MALRD1: variants seen among roughly 807,000 people sequenced by gnomAD.
The protein encoded by MALRD1 is MAM and LDL receptor class A domain containing 1.
MALRD1 carries 247 observed loss-of-function variants against 242.1 expected under a neutral mutation model. The observed-to-expected ratio is 1.02, with a 90% CI of 0.92 to 1.13. The LOEUF is 1.13. Ranked by LOEUF, MALRD1 falls within the 50% of genes most tolerant of loss-of-function variation. The probability of loss-of-function intolerance (pLI) is 0.00; values close to 1 mark genes in which losing one functional copy is unlikely to be tolerated. For missense variants in MALRD1, 2,989 were observed against 2,533.1 expected, an observed-to-expected ratio of 1.18 and a Z score of -3.86; for synonymous variants, 995 against 866.6, an observed-to-expected ratio of 1.15 and a Z score of -2.60.
At chr10:19,716,866 A>G (rs1026408661) in intron 38 of MALRD1, 17 of 152,228 alleles carry the variant, frequency 1.1e-4, no homozygotes, top group African/African-American at 3.9e-4. Flanking sequence ...TTTATGCAGT[A>G]TGTCAGATGC....
At chr10:19,624,152 AT>A (rs5783687) in intron 36 of MALRD1, among the ~76,000 whole-genome samples, 8,522 of 152,202 alleles carry the variant, frequency 0.056, 696 homozygotes, top group African/African-American at 0.18. Context: ...TAACAATTCC[AT>A]TTATAGAATT....
intron 38 of MALRD1, among the ~76,000 whole-genome samples, chr10:19,711,475 A>G (rs751347677): frequency 1.3e-5 from 2 of 152,226 alleles, no homozygotes; most frequent in Non-Finnish European, 2.9e-5. Context: ...CAATACTGCA[A>G]TAAGCATATA....
chr10:19,635,129 T>G (rs1840071811), intron 36 of MALRD1, among the ~76,000 whole-genome samples: 1 of 152,050 alleles, frequency 6.6e-6, no homozygotes, highest in Admixed American at 6.6e-5. Flanking sequence ...AGCAAAAGAC[T>G]TAACTGGAGA....
At chr10:19,518,636 C>G (rs772783744) in intron 31 of MALRD1, among the ~76,000 whole-genome samples, 5 of 151,782 alleles carry the variant, frequency 3.3e-5, no homozygotes, top group African/African-American at 4.8e-5. Flanking sequence ...TTGTTACAGG[C>G]TTTGCATTTT....
chr10:19,726,256 A>G (rs141679768), intron 38 of MALRD1, among the ~76,000 whole-genome samples: 22 of 152,314 alleles, frequency 1.4e-4, no homozygotes, highest in African/African-American at 3.6e-4. Flanking sequence ...CTTAAGAACA[A>G]AAAGACAACC....
chr10:19,095,547 A>G (rs1029424749), intron 4 of MALRD1, among the ~76,000 whole-genome samples: 2 of 152,044 alleles, frequency 1.3e-5, no homozygotes, highest in African/African-American at 2.4e-5. Context: ...CTTAAGAAAG[A>G]TTAATTTGGG....
At chr10:19,455,437 C>G (rs1464966427) in intron 29 of MALRD1, among the ~76,000 whole-genome samples, 1 of 152,152 alleles carries the variant, frequency 6.6e-6, no homozygotes, top group Non-Finnish European at 1.5e-5. Flanking sequence ...AATAAGACCA[C>G]TAGGTGTTAG....
intron 26 of MALRD1, among the ~76,000 whole-genome samples, chr10:19,371,450 A>G (rs1845371255): frequency 6.6e-6 from 1 of 151,188 alleles, no homozygotes; most frequent in African/African-American, 2.4e-5. Context: ...TCACCTTTTG[A>G]ATCTATACAG....
chr10:19,404,343 A>C (rs1170528098), intron 28 of MALRD1, among the ~76,000 whole-genome samples: 1 of 152,064 alleles, frequency 6.6e-6, no homozygotes, highest in African/African-American at 2.4e-5. Context: ...TCCGTACTTA[A>C]AATTTTTTTA....
intron 36 of MALRD1, among the ~76,000 whole-genome samples, 187 bp from the exon 37 acceptor site, chr10:19,692,095 A>G (rs1172341071): frequency 1.3e-5 from 2 of 152,174 alleles, no homozygotes; most frequent in African/African-American, 4.8e-5. Context: ...TTACACAATG[A>G]TATGAAAATA....
chr10:19,551,304 T>G (rs1835459163), intron 32 of MALRD1, among the ~76,000 whole-genome samples: 1 of 152,174 alleles, frequency 6.6e-6, no homozygotes, highest in African/African-American at 2.4e-5. Context: ...TAATTTTCAT[T>G]GTAGAGATCT....
chr10:19,411,507 C>T (rs576010821), intron 28 of MALRD1, among the ~76,000 whole-genome samples: 2 of 152,226 alleles, frequency 1.3e-5, no homozygotes, highest in Admixed American at 6.5e-5. Context: ...ATTTAATGTG[C>T]ATAATAAGTG....
chr10:19,724,381 T>C (rs1834916718), intron 38 of MALRD1, among the ~76,000 whole-genome samples: 1 of 152,196 alleles, frequency 6.6e-6, no homozygotes, highest in African/African-American at 2.4e-5. Flanking sequence ...TATAAAAGTG[T>C]ATTTTAAAAA....
intron 19 of MALRD1, among the ~76,000 whole-genome samples, chr10:19,277,921 A>G (rs982544110): frequency 6.6e-6 from 1 of 152,204 alleles, no homozygotes; most frequent in Non-Finnish European, 1.5e-5. Flanking sequence ...TTAAAGAAAG[A>G]GGTTAACTAT....
chr10:19,389,592 A>G lies in MALRD1; in HGVS notation c.4828A>G (p.Ile1610Val). Reference sequence around the variant, plus strand: ...CGTATCTGCAAAGGCCACAGGATCCATTCAGATTCTCATCAAGGTAGGAAC... The same window carrying G: ...CGTATCTGCAAAGGCCACAGGATCCGTTCAGATTCTCATCAAGGTAGGAAC... ...YFVSAKATGS[I>V]QILIKTEKGL... is the part of the protein sequence containing the mutation. Residue 1610 changes from isoleucine to valine, a missense_variant, in exon 28 of 40, where the codon ATT (isoleucine) becomes GTT (valine). By Grantham distance (29) the Ile-to-Val change is conservative (BLOSUM62 3). Transcript: ENST00000454679. The G allele has an allele frequency of 6.5e-7, 1 of 1,550,254 alleles. No individual in the cohort carries two copies.
intron 10 of MALRD1, 49 bp downstream of exon 10, chr10:19,136,830 T>C: frequency 8.6e-7 from 1 of 1,162,814 alleles, no homozygotes; most frequent in Non-Finnish European, 1.1e-6. Flanking sequence ...TTCAAGACTG[T>C]TAGTTGGATT....
chr10:19,405,355 A>G (rs1438286306), intron 28 of MALRD1, among the ~76,000 whole-genome samples: 2 of 152,138 alleles, frequency 1.3e-5, no homozygotes, highest in African/African-American at 4.8e-5. Flanking sequence ...TATATCTACC[A>G]CAGAGTTGTT....
At chr10:19,175,674 C>G (rs1308191610) in intron 14 of MALRD1, among the ~76,000 whole-genome samples, 1 of 151,714 alleles carries the variant, frequency 6.6e-6, no homozygotes, top group African/African-American at 2.4e-5. Flanking sequence ...TTATTCAGAA[C>G]TTCAAATGAG....
intron 36 of MALRD1, among the ~76,000 whole-genome samples, chr10:19,676,050 G>A (rs923836681): frequency 4.6e-5 from 7 of 152,280 alleles, no homozygotes; most frequent in East Asian, 3.9e-4. Flanking sequence ...AACAGATGTC[G>A]TGGAAAGCCC....
Sources: allele counts gnomAD v4.1 joint callset (sites outside exome capture counted in the v4.1 genomes callset), GRCh38; gene constraint gnomAD v4.1.1; transcripts MANE v1.5; gene names NCBI Gene and HGNC (gene_info 2026-07-23, HGNC 2026-07-21).